The following CCDC61 variants were observed in gnomAD, a reference collection of about 807,000 sequenced individuals.
CCDC61 encodes the protein centrosomal protein CCDC61.
A neutral mutation model predicts 63.0 loss-of-function variants in CCDC61; 55 were observed. That is an observed-to-expected ratio of 0.87 (90% CI 0.70 to 1.09). The LOEUF (loss-of-function observed/expected upper bound fraction) is 1.09. Among genes scored for constraint, CCDC61 ranks in the 50% least tolerant of loss-of-function variants. The pLI is 0.00. For synonymous variants in CCDC61, 270 were observed against 317.0 expected (o/e 0.85, Z 1.58); for missense variants, 651 against 731.4 (o/e 0.89, Z 1.27).
intron 1 of CCDC61, among the ~76,000 whole-genome samples, chr19:45,996,649 C>T (rs961130666): frequency 2.0e-4 from 30 of 152,332 alleles, no homozygotes; most frequent in Admixed American, 5.2e-4. Flanking sequence ...ATCCACCCGC[C>T]TCAGCCTCCC....
At chr19:46,007,432 G>A (rs1968733681) in intron 4 of CCDC61, among the ~76,000 whole-genome samples, 1 of 152,122 alleles carries the variant, frequency 6.6e-6, no homozygotes, top group South Asian at 2.1e-4. Flanking sequence ...TATCAAGGCA[G>A]GAAGAAGAGG....
intron 2 of CCDC61, 116 bp downstream of exon 2, chr19:46,003,282 T>C: frequency 1.4e-6 from 2 of 1,441,066 alleles, no homozygotes; most frequent in South Asian, 1.4e-5. Context: ...CCAGAAACTC[T>C]CCAGTGTGGG....
intron 1 of CCDC61, among the ~76,000 whole-genome samples, chr19:45,998,441 C>T (rs1381386234): frequency 6.6e-6 from 1 of 152,190 alleles, no homozygotes; most frequent in Non-Finnish European, 1.5e-5. Context: ...TTGCTGGGGC[C>T]ACTGTGGTGA....
At chr19:46,002,282 C>T (rs892277994) in intron 1 of CCDC61, among the ~76,000 whole-genome samples, 1 of 151,856 alleles carries the variant, frequency 6.6e-6, no homozygotes, top group Non-Finnish European at 1.5e-5. Context: ...TCATCCTACT[C>T]CAATACCCCC....
In CCDC61 at chr19:46,016,407, C is replaced by T; in HGVS notation, c.1091+14C>T. 1 of 1,612,686 alleles carries T rather than the reference C, an allele frequency of 6.2e-7. No individual in the cohort carries two copies. The highest frequency in any genetic ancestry group is 1.1e-5 in the South Asian group (1 of 91,066). The stretch of plus-strand genomic sequence containing the variant: ...GATCCAGATGAAGTCAGTGCCCCTT[C>T]CTCCCTCACCTGCCCCTGTCCCTGG... On this transcript the variant is annotated intron_variant, in intron 9 of 13. Coordinates refer to ENST00000595358, the MANE Select transcript of CCDC61 (RefSeq NM_001267723.2). The surrounding 1 kb of genome is among the most constrained non-coding windows in gnomAD (Gnocchi z 7.2).
chr19:46,006,532 G>A (rs1968713182), intron 3 of CCDC61, 27 bp from the exon 4 acceptor site: 1 of 1,474,780 alleles, frequency 6.8e-7, no homozygotes, highest in Non-Finnish European at 9.1e-7. Flanking sequence ...GGGTGCTGTG[G>A]CAGCTCCTCC....
At chr19:46,006,868 A>G (rs180790028) in intron 4 of CCDC61, among the ~76,000 whole-genome samples, 152 bp downstream of exon 4, 41 of 152,272 alleles carry the variant, frequency 2.7e-4, no homozygotes, top group African/African-American at 9.6e-4. Context: ...ATCATTTAGT[A>G]TTGTGTTTGG....
rs146602938 is a variant in CCDC61 at position 46,004,945 on chromosome 19, T to C, written c.231+1444T>C. Among the ~76,000 whole-genome samples, 997 of 150,944 alleles carry C rather than the reference T, an allele frequency of 6.6e-3. 18 individuals are homozygous for C. The highest frequency in any genetic ancestry group is 0.023 in the African/African-American group (944 of 40,966). ...CCTCCGCGTCTCGGGTTCAAGTGAT[T>C]CTCATGCCTCAGCCTCCCAAGTAGC... is the stretch of plus-strand genomic sequence containing the variant. On this transcript the variant is annotated intron_variant, in intron 3 of 13. Coordinates refer to ENST00000595358, the MANE Select transcript of CCDC61 (RefSeq NM_001267723.2).
intron 5 of CCDC61, among the ~76,000 whole-genome samples, chr19:46,010,143 G>A (rs1374851340): frequency 6.6e-6 from 1 of 152,222 alleles, no homozygotes; most frequent in African/African-American, 2.4e-5. Context: ...TCTAAGCACT[G>A]TGGATAGATT....
In CCDC61 at chr19:46,003,124, C is replaced by A. The variant is rs369405507; in HGVS notation, c.106C>A (p.Arg36=). 2 of 1,613,348 alleles carry A rather than the reference C, an allele frequency of 1.2e-6. No individual in the cohort carries two copies. Among genetic ancestry groups the A allele is most frequent in the East Asian group, 2.2e-5 (1 of 44,878 alleles). The part of the protein sequence containing the change: ...GQVLELEVED[R]MTADQWRGEF... ...GGTGCTGGAGCTGGAGGTGGAGGAC[C>A]GGATGACGGCTGACCAGTGGCGGGG... The change falls in exon 2 of 14, where the codon CGG becomes AGG. Residue 36 remains arginine (R), a synonymous_variant. Transcript: ENST00000595358.
chr19:46,008,138 A>G lies in CCDC61; in HGVS notation c.390-2A>G, dbSNP rs760436469. On this transcript the variant is annotated splice_acceptor_variant, in intron 4 of 13. Coordinates refer to ENST00000595358, the MANE Select transcript of CCDC61 (RefSeq NM_001267723.2). LOFTEE classifies it high-confidence loss of function. ...GCCACGGTTTTAATCCTCCCTCCTCAGGATTCACTACCCGCTGCCCCTCCC... is the reference window on the plus strand; with the variant it reads ...GCCACGGTTTTAATCCTCCCTCCTCGGGATTCACTACCCGCTGCCCCTCCC... The G allele has an allele frequency of 6.2e-7, 1 of 1,605,382 alleles. No homozygotes were observed. Among genetic ancestry groups the G allele is most frequent in the Non-Finnish European group, 8.5e-7 (1 of 1,176,096 alleles).
intron 1 of CCDC61, 132 bp from the exon 2 acceptor site, chr19:46,002,876 C>T: frequency 1.2e-6 from 1 of 817,038 alleles, no homozygotes; most frequent in Non-Finnish European, 2.0e-6. Context: ...AACTAAGGCA[C>T]AGAGAGGTGA....
chr19:46,016,789 GC>G lies in CCDC61; in HGVS notation c.1189del (p.Arg397GlufsTer60). On this transcript the variant is annotated frameshift_variant, in exon 10 of 14. Coordinates refer to ENST00000595358, the MANE Select transcript of CCDC61 (RefSeq NM_001267723.2). LOFTEE classifies it high-confidence loss of function. The surrounding 1 kb of genome is among the most constrained non-coding windows in gnomAD (Gnocchi z 7.2). ...RQTQPPAALTGRGDAPNRSRN... is the reference protein window; with the variant it reads ...RQTQPPAALTXRGDAPNRSRN... The stretch of plus-strand genomic sequence containing the variant: ...ACCCAGCCCCCTGCTGCCTTGACTG[GC>G]CGAGGGGACGCCCCTAACCGCTCCC... 1 of 1,547,004 alleles carries G rather than the reference GC, an allele frequency of 6.5e-7. No homozygotes were observed. The highest frequency in any genetic ancestry group is 1.4e-5 in the African/African-American group (1 of 73,166).
rs1968952611 is a variant in CCDC61, at chr19:46,016,903, C to T, written c.1231+70C>T. The T allele has an allele frequency of 7.7e-6, 3 of 391,004 alleles. No individual in the cohort carries two copies. The highest frequency in any genetic ancestry group is 1.5e-5 in the Non-Finnish European group (3 of 200,200). 24.2% of individuals were successfully genotyped at this position (391,004 alleles called of 1,614,324 possible). A position where few individuals can be genotyped will look rare whatever the true frequency, so the allele number is the denominator to read the frequency against. ...GCGGGGCTGGGCGGGCTGGGAGGCACTGGGCAGGGCGGGCGGGCTGGGAGG... is the reference window on the plus strand; with the variant it reads ...GCGGGGCTGGGCGGGCTGGGAGGCATTGGGCAGGGCGGGCGGGCTGGGAGG... On this transcript the variant is annotated intron_variant, in intron 10 of 13. Transcript: ENST00000595358. The surrounding 1 kb of genome is among the most constrained non-coding windows in gnomAD (Gnocchi z 7.2).
At chr19:46,008,401 G>A (rs768184406) in intron 5 of CCDC61, 100 bp downstream of exon 5, 69 of 993,350 alleles carry the variant, frequency 6.9e-5, no homozygotes, top group African/African-American at 5.1e-4. Context: ...ACTGTCCTTC[G>A]CCCACCACGT....
chr19:46,003,957 G>T (rs990823517), intron 3 of CCDC61, among the ~76,000 whole-genome samples: 5 of 149,272 alleles, frequency 3.3e-5, no homozygotes, highest in Non-Finnish European at 7.4e-5. Flanking sequence ...TTTTTTTTTT[G>T]AGATGGAGTC....
intron 5 of CCDC61, among the ~76,000 whole-genome samples, chr19:46,014,730 G>A (rs1041552427): frequency 6.6e-6 from 1 of 152,204 alleles, no homozygotes; most frequent in Non-Finnish European, 1.5e-5. Flanking sequence ...ACAGATTGAT[G>A]AAATCGTTTA....
rs1968913444 is a variant in CCDC61, at chr19:46,015,514, G to T, written c.845+87G>T. Reference sequence around the variant, plus strand: ...ATGAGGCGGAGCCTAAGGGGGCGGGGCGGGGCCAGGTAGGGTGGAGGGGGC... The same window carrying T: ...ATGAGGCGGAGCCTAAGGGGGCGGGTCGGGGCCAGGTAGGGTGGAGGGGGC... On this transcript the variant is annotated intron_variant, in intron 7 of 13. Transcript: ENST00000595358. This position sits in a 1 kb window ranked among gnomAD's most constrained non-coding sequence, Gnocchi z 5.3. 1 of 1,096,714 alleles carries T rather than the reference G, an allele frequency of 9.1e-7. No homozygotes were observed. Among genetic ancestry groups the T allele is most frequent in the Non-Finnish European group, 1.3e-6 (1 of 786,528 alleles). 67.9% of individuals were successfully genotyped at this position (1,096,714 alleles called of 1,614,324 possible).
At position 46,006,655 on chromosome 19, in the gene CCDC61, A is replaced by T. The variant is rs1345412109; in HGVS notation, c.328A>T (p.Arg110Trp). ...GGGCCGCCCAGGCTCCTTGGCCCCC[A>T]GGTCGGCCCAGCTCAACTCCAAGCG... The part of the protein sequence containing the change: ...MGGRPGSLAP[R>W]SAQLNSKRYL... Residue 110 changes from arginine to tryptophan, a missense_variant, in exon 4 of 14, where the codon AGG becomes TGG. Transcript: ENST00000595358. 2 of 1,613,658 alleles carry T rather than the reference A, an allele frequency of 1.2e-6. No homozygotes were observed. The highest frequency in any genetic ancestry group is 1.3e-5 in the African/African-American group (1 of 74,942).
Sources: allele counts gnomAD v4.1 joint callset (sites outside exome capture counted in the v4.1 genomes callset), GRCh38; gene constraint gnomAD v4.1.1; non-coding constraint Gnocchi (gnomAD v3.1); transcripts MANE v1.5; gene names NCBI Gene and HGNC (gene_info 2026-07-23, HGNC 2026-07-21).